The following BRIP1 variants were observed in gnomAD, a reference collection of about 807,000 sequenced individuals.
BRIP1 encodes Fanconi anemia group J protein.
Under a neutral mutation model 119.7 loss-of-function variants are expected in BRIP1, and 88 were observed. The ratio of observed to expected loss-of-function variants is 0.74; its 90% CI spans 0.62 to 0.88. The LOEUF (loss-of-function observed/expected upper bound fraction) is 0.88, where lower values mean the gene tolerates loss of function less well. BRIP1 is among the 40% of genes least tolerant of loss of function. The pLI is 0.00. For synonymous variants in BRIP1, 443 were observed against 496.5 expected (o/e 0.89, Z 1.43); for missense variants, 1,259 against 1,455.4 (o/e 0.87, Z 2.20).
rs984690163 is a variant in BRIP1, at chr17:61,769,791, G to A, written c.2097+6610C>T. Among the ~76,000 whole-genome samples the A allele has an allele frequency of 1.2e-4, 18 of 152,186 alleles. No individual in the cohort carries two copies. The highest frequency in any genetic ancestry group is 1.2e-3 in the Admixed American group (18 of 15,272). On this transcript the variant is annotated intron_variant, in intron 14 of 19. Transcript: ENST00000259008. This position sits in a 1 kb window ranked among gnomAD's most constrained non-coding sequence, Gnocchi z 4.9. ...CAGAGAATCAAGATATGCTTACTGG[G>A]ACAGCGGCCACTAAAACATAAATTG...
At position 61,699,983 on chromosome 17, in the gene BRIP1, C is replaced by T. The variant is rs373028996; in HGVS notation, c.2493-6471G>A. Among the ~76,000 whole-genome samples, 11 of 152,124 alleles carry T rather than the reference C, an allele frequency of 7.2e-5. No individual in the cohort carries two copies. Among genetic ancestry groups the T allele is most frequent in the African/African-American group, 2.4e-4 (10 of 41,424 alleles). On this transcript the variant is annotated intron_variant, in intron 17 of 19. Transcript: ENST00000259008. The surrounding 1 kb of genome is among the most constrained non-coding windows in gnomAD (Gnocchi z 4.8). ...TGCACTGGGAGAGGACACTTGGAAG[C>T]TTAAGACTGGCTCCCTAGACTTTGT... is the stretch of plus-strand genomic sequence containing the variant.
At chr17:61,839,344 A>G (rs1225199360) in intron 6 of BRIP1, among the ~76,000 whole-genome samples, 1 of 151,988 alleles carries the variant, frequency 6.6e-6, no homozygotes, top group African/African-American at 2.4e-5. Flanking sequence ...TTTTTATGTT[A>G]GGAAGAAAAA....
Position 61,691,357 on chromosome 17 carries a change from A to T in BRIP1, c.2575+2073T>A, listed in dbSNP as rs1300565907. Among the ~76,000 whole-genome samples, 1 of 152,224 alleles carries T rather than the reference A, an allele frequency of 6.6e-6. No homozygotes were observed. The highest frequency in any genetic ancestry group is 1.5e-5 in the Non-Finnish European group (1 of 68,026). On this transcript the variant is annotated intron_variant, in intron 18 of 19. Transcript: ENST00000259008. The surrounding 1 kb of genome is among the most constrained non-coding windows in gnomAD (Gnocchi z 5.0). ...AAAAACCTGTACACTGGAAATTATA[A>T]AACATTGCTGAAAAACAGTAAAGAT...
rs1375848870 is a variant in BRIP1 at position 61,756,031 on chromosome 17, C to G, written c.2098-11440G>C. Among the ~76,000 whole-genome samples the G allele has an allele frequency of 1.3e-5, 2 of 152,110 alleles. No individual in the cohort carries two copies. Among genetic ancestry groups the G allele is most frequent in the Non-Finnish European group, 2.9e-5 (2 of 68,008 alleles). Reference sequence around the variant, plus strand: ...AGATTTTTTTTAAAGTACCTTAAAACCTTTTGTTAAGGATTACACAGGGGC... The same window carrying G: ...AGATTTTTTTTAAAGTACCTTAAAAGCTTTTGTTAAGGATTACACAGGGGC... On this transcript the variant is annotated intron_variant, in intron 14 of 19. Coordinates refer to ENST00000259008, the MANE Select transcript of BRIP1 (RefSeq NM_032043.3). The surrounding 1 kb of genome is among the most constrained non-coding windows in gnomAD (Gnocchi z 4.3).
chr17:61,750,708 TA>T (rs71150637), intron 14 of BRIP1, among the ~76,000 whole-genome samples: 1,707 of 146,320 alleles, frequency 0.012, 31 homozygotes, highest in African/African-American at 0.039. Flanking sequence ...CTTGAATGAT[TA>T]AAAAAAAAAA....
intron 7 of BRIP1, among the ~76,000 whole-genome samples, chr17:61,801,796 T>TA (rs1041114545): frequency 6.6e-6 from 1 of 152,180 alleles, no homozygotes; most frequent in Admixed American, 6.5e-5. Context: ...AGGCATGAAA[T>TA]ACTTCTGAAA....
At chr17:61,716,208 T>C (rs141173899) in intron 16 of BRIP1, 145 bp from the exon 17 acceptor site, 232 of 560,886 alleles carry the variant, frequency 4.1e-4, no homozygotes, top group African/African-American at 3.9e-3. Context: ...TTTCGTTTCA[T>C]TTAAAATAGT....
rs552696015 is a variant in BRIP1, at chr17:61,690,977, C to T, written c.2575+2453G>A. Among the ~76,000 whole-genome samples, 3 of 151,660 alleles carry T rather than the reference C, an allele frequency of 2.0e-5. No individual in the cohort carries two copies. The highest frequency in any genetic ancestry group is 6.6e-5 in the Admixed American group (1 of 15,216). On this transcript the variant is annotated intron_variant, in intron 18 of 19. Transcript: ENST00000259008. This position sits in a 1 kb window ranked among gnomAD's most constrained non-coding sequence, Gnocchi z 5.6. ...GAAACCATCATTCTCAGCACACTACCGCAAGGACAGAAAACCAAACATGGC... is the reference window on the plus strand; with the variant it reads ...GAAACCATCATTCTCAGCACACTACTGCAAGGACAGAAAACCAAACATGGC...
In BRIP1 at chr17:61,828,183, C is replaced by T. The variant is rs781506452; in HGVS notation, c.627+18918G>A. ...GTCCACTGGCAGATGAACGGACAAA[C>T]AAAATGTGGTATATCCATACAATGG... is the stretch of plus-strand genomic sequence containing the variant. On this transcript the variant is annotated intron_variant, in intron 6 of 19. Coordinates refer to ENST00000259008, the MANE Select transcript of BRIP1 (RefSeq NM_032043.3). This position sits in a 1 kb window ranked among gnomAD's most constrained non-coding sequence, Gnocchi z 4.1. 6.6e-6 allele frequency among the ~76,000 whole-genome samples: 1 copy of T among 152,056 alleles called. No homozygotes were observed. Among genetic ancestry groups the T allele is most frequent in the Non-Finnish European group, 1.5e-5 (1 of 67,992 alleles).
At position 61,824,783 on chromosome 17, in the gene BRIP1, A is replaced by G. The variant is rs1233237474; in HGVS notation, c.628-16026T>C. ...AATTAAAAACGTTTATGTATCATAG[A>G]CCACCATCAACAGAGTAAAAATGCA... On this transcript the variant is annotated intron_variant, in intron 6 of 19. Transcript: ENST00000259008. The surrounding 1 kb of genome is among the most constrained non-coding windows in gnomAD (Gnocchi z 4.3). 6.6e-6 allele frequency among the ~76,000 whole-genome samples: 1 copy of G among 152,232 alleles called. No homozygotes were observed. The highest frequency in any genetic ancestry group is 1.5e-5 in the Non-Finnish European group (1 of 68,034).
intron 14 of BRIP1, among the ~76,000 whole-genome samples, chr17:61,771,720 G>A (rs912313132): frequency 6.6e-6 from 1 of 152,156 alleles, no homozygotes; most frequent in African/African-American, 2.4e-5. Context: ...AGCACTTTGG[G>A]AGGCCGAGGC....
In BRIP1 at chr17:61,829,591, T is replaced by C. The variant is rs1281034277; in HGVS notation, c.627+17510A>G. On this transcript the variant is annotated intron_variant, in intron 6 of 19. Coordinates refer to ENST00000259008, the MANE Select transcript of BRIP1 (RefSeq NM_032043.3). ...GATTTTTATAAATGAATACCCATACTTTCCAAAAACTCACAGAGCATTTGC... is the reference window on the plus strand; with the variant it reads ...GATTTTTATAAATGAATACCCATACCTTCCAAAAACTCACAGAGCATTTGC... 2.0e-5 allele frequency among the ~76,000 whole-genome samples: 3 copies of C among 151,610 alleles called. No homozygotes were observed. The East Asian group carries it at 5.8e-4, about 29-fold the overall frequency.
chr17:61,761,035 C>T lies in BRIP1; in HGVS notation c.2097+15366G>A, dbSNP rs1487548089. On this transcript the variant is annotated intron_variant, in intron 14 of 19. Transcript: ENST00000259008. The surrounding 1 kb of genome is among the most constrained non-coding windows in gnomAD (Gnocchi z 6.4). ...AATACTAGCAAACCAAATTCAACAA[C>T]ACATTAAAAGAACAATTCAACATGA... Among the ~76,000 whole-genome samples, 1 of 151,998 alleles carries T rather than the reference C, an allele frequency of 6.6e-6. No homozygotes were observed. Among genetic ancestry groups the T allele is most frequent in the East Asian group, 1.9e-4 (1 of 5,196 alleles).
At chr17:61,697,740 T>C (rs918892591) in intron 17 of BRIP1, among the ~76,000 whole-genome samples, 2 of 152,088 alleles carry the variant, frequency 1.3e-5, no homozygotes, top group African/African-American at 4.8e-5. Flanking sequence ...TTTTTTTTCC[T>C]AATTCCTTAA....
intron 14 of BRIP1, among the ~76,000 whole-genome samples, chr17:61,773,822 G>A (rs1239519818): frequency 6.6e-6 from 1 of 152,074 alleles, no homozygotes; most frequent in Admixed American, 6.5e-5. Context: ...GCAGCCAACA[G>A]ACACATGAAA....
intron 6 of BRIP1, among the ~76,000 whole-genome samples, chr17:61,836,312 TG>T (rs2078573809): frequency 1.3e-5 from 2 of 151,912 alleles, no homozygotes; most frequent in Non-Finnish European, 2.9e-5. Flanking sequence ...GACAGGGTCT[TG>T]CTATGTTGCC....
intron 16 of BRIP1, among the ~76,000 whole-genome samples, chr17:61,731,406 G>A (rs959531678): frequency 6.6e-5 from 10 of 152,200 alleles, no homozygotes; most frequent in Non-Finnish European, 1.5e-5. Context: ...ACCTCAGGCT[G>A]TATTCCTGGA....
Position 61,853,058 on chromosome 17 carries a change from A to G in BRIP1, c.380-3802T>C, listed in dbSNP as rs1298380889. Among the ~76,000 whole-genome samples the G allele has an allele frequency of 6.6e-6, 1 of 152,210 alleles. No individual in the cohort carries two copies. The highest frequency in any genetic ancestry group is 1.5e-5 in the Non-Finnish European group (1 of 68,028). ...ATGTTCATAACAGCACTATTAAACAATACTGAAAACAACCCAATGCCTAAC... is the reference window on the plus strand; with the variant it reads ...ATGTTCATAACAGCACTATTAAACAGTACTGAAAACAACCCAATGCCTAAC... On this transcript the variant is annotated intron_variant, in intron 4 of 19. Transcript: ENST00000259008. The surrounding 1 kb of genome is among the most constrained non-coding windows in gnomAD (Gnocchi z 4.3).
rs978827128 is a variant in BRIP1, at chr17:61,720,930, G to C, written c.2380-4867C>G. ...ATGATCTTGGCTCACTGCAACCTCC[G>C]CCTCCCAGGTTCAAGCAGTTCTCCT... On this transcript the variant is annotated intron_variant, in intron 16 of 19. Transcript: ENST00000259008. The surrounding 1 kb of genome is among the most constrained non-coding windows in gnomAD (Gnocchi z 4.3). 2.0e-5 allele frequency among the ~76,000 whole-genome samples: 3 copies of C among 151,782 alleles called. No individual in the cohort carries two copies. Among genetic ancestry groups the C allele is most frequent in the Non-Finnish European group, 1.5e-5 (1 of 67,982 alleles).
Sources: gnomAD v4.1 joint callset for allele counts (sites outside exome capture counted in the v4.1 genomes callset) on GRCh38, gnomAD v4.1.1 for gene constraint, Gnocchi (gnomAD v3.1) non-coding constraint, MANE v1.5 for transcripts, NCBI Gene and HGNC (gene_info 2026-07-23, HGNC 2026-07-21) for gene names.